Variants in TJAP1 observed in about 807,000 individuals in gnomAD.
TJAP1 encodes tight junction-associated protein 1.
Under a neutral mutation model 42.0 loss-of-function variants are expected in TJAP1, and 27 were observed. The observed-to-expected ratio is 0.64, with a 90% CI of 0.47 to 0.89. The LOEUF is 0.89. Among genes scored for constraint, TJAP1 ranks in the 40% least tolerant of loss-of-function variants. The pLI is 0.00. For missense variants in TJAP1, 712 were observed against 726.9 expected, an observed-to-expected ratio of 0.98 and a Z score of 0.24; for synonymous variants, 257 against 288.4, an observed-to-expected ratio of 0.89 and a Z score of 1.10.
intron 2 of TJAP1, among the ~76,000 whole-genome samples, chr6:43,494,549 T>C (rs1312599046): frequency 6.7e-6 from 1 of 150,260 alleles, no homozygotes; most frequent in South Asian, 2.1e-4. Flanking sequence ...CAGCACGTTA[T>C]CTGGTAGTCC....
chr6:43,501,314 C>T (rs1790460184), intron 5 of TJAP1: 1 of 566,668 alleles, frequency 1.8e-6, no homozygotes, highest in East Asian at 2.9e-5. Flanking sequence ...TCCCCTCTTC[C>T]TCCCCTGACC....
chr6:43,481,135 A>G (rs78480612), intron 2 of TJAP1, among the ~76,000 whole-genome samples: 5,171 of 152,274 alleles, frequency 0.034, 275 homozygotes, highest in African/African-American at 0.12. Flanking sequence ...GATTATTTAA[A>G]AAAATGTTTA....
chr6:43,498,526 G>T (rs1486768597), intron 3 of TJAP1, among the ~76,000 whole-genome samples: 1 of 152,108 alleles, frequency 6.6e-6, no homozygotes, highest in Admixed American at 6.5e-5. Context: ...CTCCAGCCTG[G>T]GCAACAGAGC....
At chr6:43,482,240 T>C (rs914904137) in intron 2 of TJAP1, among the ~76,000 whole-genome samples, 4 of 152,236 alleles carry the variant, frequency 2.6e-5, no homozygotes, top group African/African-American at 9.6e-5. Flanking sequence ...AGTTGCAAGG[T>C]GAAGGATGAT....
intron 2 of TJAP1, among the ~76,000 whole-genome samples, chr6:43,482,838 T>A (rs934056686): frequency 6.6e-6 from 1 of 152,180 alleles, no homozygotes; most frequent in Non-Finnish European, 1.5e-5. Context: ...AAAATAGTCT[T>A]CCTGGCTGGG....
intron 2 of TJAP1, among the ~76,000 whole-genome samples, chr6:43,482,838 TC>T (rs1340171753): frequency 1.3e-5 from 2 of 152,180 alleles, no homozygotes; most frequent in East Asian, 3.8e-4. Context: ...AAAATAGTCT[TC>T]CTGGCTGGGC....
intron 2 of TJAP1, among the ~76,000 whole-genome samples, chr6:43,479,325 G>C (rs111582863): frequency 0.026 from 3,966 of 152,286 alleles, 161 homozygotes; most frequent in African/African-American, 0.088. Flanking sequence ...CCAAGTCACT[G>C]TTACTAGGTC....
At chr6:43,504,054 C>T in intron 10 of TJAP1, 1 of 457,948 alleles carries the variant, frequency 2.2e-6, no homozygotes, top group South Asian at 1.9e-5. Flanking sequence ...AAACTCTAGA[C>T]CCCACAGCTT....
At chr6:43,500,916 G>A (rs1790378692) in intron 5 of TJAP1, 144 bp downstream of exon 5, 1 of 887,890 alleles carries the variant, frequency 1.1e-6, no homozygotes, top group Non-Finnish European at 1.8e-6. Context: ...TCTGGGAGGA[G>A]TGTTGATGTT....
At chr6:43,502,602 C>G (rs1582109402) in exon 8 of TJAP1, 1 of 1,551,798 alleles carries the variant, frequency 6.4e-7, no homozygotes, top group South Asian at 1.2e-5. Context: ...CTCTTAGCCA[C>G]AGCTGGATTT....
At chr6:43,481,290 G>A (rs567284152) in intron 2 of TJAP1, among the ~76,000 whole-genome samples, 111 of 152,076 alleles carry the variant, frequency 7.3e-4, no homozygotes, top group Non-Finnish European at 5.9e-5. Flanking sequence ...TGCAACCTTG[G>A]GCCTGGGTTG....
At chr6:43,503,790 C>T (rs1195726232) in intron 10 of TJAP1, 84 bp downstream of exon 10, 2 of 1,191,388 alleles carry the variant, frequency 1.7e-6, no homozygotes, top group East Asian at 2.4e-5. Flanking sequence ...CTGCACCTCT[C>T]TCTGTCCTCC....
chr6:43,503,053 A>G (rs575087693), intron 8 of TJAP1: 76 of 448,888 alleles, frequency 1.7e-4, no homozygotes, highest in Non-Finnish European at 2.9e-4. Flanking sequence ...AGCTGCACAC[A>G]TAGGAGGCTT....
At chr6:43,502,385 T>C in intron 7 of TJAP1, 36 bp downstream of exon 7, 3 of 1,608,084 alleles carry the variant, frequency 1.9e-6, no homozygotes, top group Non-Finnish European at 2.6e-6. Flanking sequence ...GTGGGCACTG[T>C]GCTCATAGCA....
chr6:43,501,110 G>A (rs547508309), intron 5 of TJAP1: 6 of 398,258 alleles, frequency 1.5e-5, no homozygotes, highest in Non-Finnish European at 9.0e-6. Flanking sequence ...CTGGAGAGGA[G>A]GGCAGTGCTG....
chr6:43,493,488 A>G (rs1472581683), intron 2 of TJAP1, among the ~76,000 whole-genome samples: 2 of 152,094 alleles, frequency 1.3e-5, no homozygotes, highest in Non-Finnish European at 2.9e-5. Context: ...TTTGGTGGGG[A>G]AGGCTGAAGT....
At chr6:43,501,034 C>A in intron 5 of TJAP1, 1 of 520,194 alleles carries the variant, frequency 1.9e-6, no homozygotes, top group Non-Finnish European at 3.4e-6. Context: ...TGCTAAGGAG[C>A]CCTTCCCCAG....
chr6:43,504,708 G>A (rs893569916), intron 10 of TJAP1, 53 bp from the exon 11 acceptor site: 2 of 1,578,490 alleles, frequency 1.3e-6, no homozygotes, highest in Non-Finnish European at 1.7e-6. Context: ...CATGAGTCAA[G>A]TTATCTTTGG....
In TJAP1 at chr6:43,501,738, ACACACACACACACACACACACTCT is replaced by A. The variant is rs1183533732; in HGVS notation, c.290+53_290+76del. On this transcript the variant is annotated intron_variant, in intron 6 of 10. Coordinates refer to ENST00000372449, the Ensembl canonical transcript of TJAP1. ...CACACACACACACACACACACACAC[ACACACACACACACACACACACTCT>A]CTCTGTCTCTCTCTCTCTCTGTGTC... 71 of 692,324 alleles carry A rather than the reference ACACACACACACACACACACACTCT, an allele frequency of 1.0e-4. No individual in the cohort carries two copies. In the African/African-American group the frequency reaches 1.2e-3, roughly 12 times the overall value. 42.9% of individuals were successfully genotyped at this position (692,324 alleles called of 1,614,324 possible).
Sources: allele counts gnomAD v4.1 joint callset (sites outside exome capture counted in the v4.1 genomes callset), GRCh38; gene constraint gnomAD v4.1.1; transcripts MANE v1.5; gene names NCBI Gene and HGNC (gene_info 2026-07-23, HGNC 2026-07-21).